KDM2A: variants seen among roughly 807,000 people sequenced by gnomAD.
KDM2A encodes the protein lysine-specific demethylase 2A.
In KDM2A, 3 loss-of-function variants were observed where a neutral mutation model predicts 137.3. The observed-to-expected ratio is 0.02, with a 90% CI of 0.01 to 0.06. The LOEUF (loss-of-function observed/expected upper bound fraction) is 0.06, where lower values mean the gene tolerates loss of function less well. KDM2A is among the 10% of genes least tolerant of loss of function. The pLI is 1.00. For missense variants in KDM2A, 738 were observed against 1,510.6 expected (o/e 0.49, Z 8.48); for synonymous variants, 512 against 541.5 (o/e 0.95, Z 0.76).
chr11:67,247,335 C>T (rs910405757), intron 15 of KDM2A, among the ~76,000 whole-genome samples: 11 of 149,952 alleles, frequency 7.3e-5, no homozygotes, highest in African/African-American at 2.7e-4. Flanking sequence ...AGTGATTCAC[C>T]CGCCTTGGCC....
chr11:67,247,065 A>ATTT (rs1443490093), intron 15 of KDM2A, among the ~76,000 whole-genome samples: 37 of 27,568 alleles, frequency 1.3e-3, no homozygotes, highest in Admixed American at 4.0e-3. Flanking sequence ...ATATATATAT[A>ATTT]TATATATTTT....
At chr11:67,145,147 C>G (rs1417372267) in intron 2 of KDM2A, among the ~76,000 whole-genome samples, 4 of 148,878 alleles carry the variant, frequency 2.7e-5, no homozygotes, top group African/African-American at 7.4e-5. Flanking sequence ...GCTAAGATTA[C>G]AGGTGTGAGC....
At chr11:67,122,468 A>C (rs377126019) in intron 2 of KDM2A, among the ~76,000 whole-genome samples, 108 of 150,390 alleles carry the variant, frequency 7.2e-4, no homozygotes, top group African/African-American at 2.5e-3. Flanking sequence ...CTGGGACTGT[A>C]GGCATGTGCC....
chr11:67,242,059 G>GT (rs2136444280), intron 12 of KDM2A, among the ~76,000 whole-genome samples: 1 of 152,284 alleles, frequency 6.6e-6, no homozygotes, highest in Admixed American at 6.5e-5. Flanking sequence ...GAGCAACAGA[G>GT]TGAGACTCCA....
At chr11:67,253,778 T>A (rs1007092617) in intron 19 of KDM2A, among the ~76,000 whole-genome samples, 167 bp downstream of exon 19, 1 of 152,210 alleles carries the variant, frequency 6.6e-6, no homozygotes, top group African/African-American at 2.4e-5. Flanking sequence ...AGGGTAACTA[T>A]AAGCAGATAA....
rs1378139240 is a variant in KDM2A, at chr11:67,139,834, G to GACCCA, written c.42+18477_42+18478insCCCAA. Among the ~76,000 whole-genome samples, 134 of 151,762 alleles carry GACCCA rather than the reference G, an allele frequency of 8.8e-4. 1 individual carries two copies. Among genetic ancestry groups the GACCCA allele is most frequent in the Non-Finnish European group, 9.3e-4 (63 of 67,806 alleles). On this transcript the variant is annotated intron_variant, in intron 2 of 20. Transcript: ENST00000529006. ...AAGTGATTCTTCTGCCTCAGGTCCT[G>GACCCA]AGTAGCTGGGATTAGAGGCATGTGC... is the stretch of plus-strand genomic sequence containing the variant.
At chr11:67,156,505 C>T (rs1351031376) in intron 2 of KDM2A, among the ~76,000 whole-genome samples, 5 of 151,780 alleles carry the variant, frequency 3.3e-5, no homozygotes, top group African/African-American at 1.2e-4. Flanking sequence ...ATCACGAGGT[C>T]AGGAGATCGA....
At position 67,126,601 on chromosome 11, in the gene KDM2A, A is replaced by G. The variant is rs577094449; in HGVS notation, c.42+5243A>G. On this transcript the variant is annotated intron_variant, in intron 2 of 20. Transcript: ENST00000529006. Reference sequence around the variant, plus strand: ...CAGGCGCCTGTAGTCCCAGCTACTCAGGAGGCTCAGACAGGAGAATTGCTT... The same window carrying G: ...CAGGCGCCTGTAGTCCCAGCTACTCGGGAGGCTCAGACAGGAGAATTGCTT... 8.1e-4 allele frequency among the ~76,000 whole-genome samples: 123 copies of G among 151,732 alleles called. 2 individuals carry two copies. In the South Asian group the frequency reaches 0.025, roughly 31 times the overall value.
At chr11:67,238,686 T>A (rs1858938835) in intron 12 of KDM2A, among the ~76,000 whole-genome samples, 1 of 152,116 alleles carries the variant, frequency 6.6e-6, no homozygotes, top group Non-Finnish European at 1.5e-5. Context: ...TACCAGAAAC[T>A]CACTCAAACA....
intron 6 of KDM2A, among the ~76,000 whole-genome samples, chr11:67,214,448 C>A (rs1032616825): frequency 6.6e-6 from 1 of 152,170 alleles, no homozygotes; most frequent in Non-Finnish European, 1.5e-5. Context: ...TCGTGATCCA[C>A]CTGCCTCGGC....
At chr11:67,180,293 C>A in intron 3 of KDM2A, 76 bp downstream of exon 3, 1 of 1,433,700 alleles carries the variant, frequency 7.0e-7, no homozygotes, top group South Asian at 1.4e-5. Context: ...GGGGTTTAGC[C>A]TTTATCCAGC....
intron 5 of KDM2A, among the ~76,000 whole-genome samples, chr11:67,185,982 C>CT (rs1445215989): frequency 6.6e-6 from 1 of 151,876 alleles, no homozygotes; most frequent in Non-Finnish European, 1.5e-5. Flanking sequence ...ACAAAATGGA[C>CT]TAAGAGCCTA....
intron 17 of KDM2A, among the ~76,000 whole-genome samples, chr11:67,251,520 T>C (rs1003067328): frequency 6.6e-6 from 1 of 152,242 alleles, no homozygotes; most frequent in Non-Finnish European, 1.5e-5. Flanking sequence ...ATATCCTTTT[T>C]ATCTGGGTCA....
In KDM2A at chr11:67,195,963, A is replaced by G. The variant is rs756491143; in HGVS notation, c.308-11547A>G. The G allele has an allele frequency of 3.9e-5, 17 of 438,698 alleles. 1 individual carries two copies. Among genetic ancestry groups the G allele is most frequent in the East Asian group, 2.5e-4 (4 of 16,120 alleles). 27.2% of individuals were successfully genotyped at this position (438,698 alleles called of 1,614,324 possible). On this transcript the variant is annotated intron_variant, in intron 5 of 20. Transcript: ENST00000529006. Reference sequence around the variant, plus strand: ...CTTTGCCAAATCCACAATATCTTCTATCAACTCAAGATGTTGTGATTTCTT... The same window carrying G: ...CTTTGCCAAATCCACAATATCTTCTGTCAACTCAAGATGTTGTGATTTCTT...
At chr11:67,196,908 A>AAAAG (rs148126350) in intron 5 of KDM2A, 13,275 of 160,290 alleles carry the variant, frequency 0.083, 1,935 homozygotes, top group African/African-American at 0.3. Flanking sequence ...AAGTTGAAAA[A>AAAAG]AAAATAGACT....
intron 18 of KDM2A, 91 bp from the exon 19 acceptor site, chr11:67,253,362 C>A: frequency 1.8e-6 from 2 of 1,131,802 alleles, no homozygotes; most frequent in Admixed American, 2.0e-5. Context: ...TCCTATTAGA[C>A]TGGAAGTTTG....
intron 5 of KDM2A, among the ~76,000 whole-genome samples, chr11:67,204,538 C>T (rs1857744740): frequency 6.7e-6 from 1 of 149,676 alleles, no homozygotes; most frequent in Admixed American, 6.7e-5. Context: ...GTTGCCCAGG[C>T]TGGAGTGCAG....
At chr11:67,225,267 C>T (rs1386221977) in intron 10 of KDM2A, among the ~76,000 whole-genome samples, 5 of 152,184 alleles carry the variant, frequency 3.3e-5, no homozygotes, top group Admixed American at 3.3e-4. Context: ...GGTATTTCTA[C>T]TTACAAAATA....
intron 5 of KDM2A, among the ~76,000 whole-genome samples, chr11:67,195,242 G>A (rs1857448189): frequency 6.6e-6 from 1 of 152,046 alleles, no homozygotes; most frequent in Admixed American, 6.6e-5. Flanking sequence ...GGTGGCGCAT[G>A]CCTATAGTCC....
Sources: gnomAD v4.1 joint callset for allele counts (sites outside exome capture counted in the v4.1 genomes callset) on GRCh38, gnomAD v4.1.1 for gene constraint, MANE v1.5 for transcripts, NCBI Gene and HGNC (gene_info 2026-07-23, HGNC 2026-07-21) for gene names.